Variants in SIPA1L2 observed in about 807,000 individuals in gnomAD.
SIPA1L2 encodes signal induced proliferation associated 1 like 2, also known as signal-induced proliferation-associated 1-like protein 2.
A neutral mutation model predicts 163.9 loss-of-function variants in SIPA1L2; 56 were observed. The observed-to-expected ratio is 0.34, with a 90% CI of 0.28 to 0.43. SIPA1L2 has a LOEUF of 0.43. SIPA1L2 is among the 20% of genes least tolerant of loss of function. The probability of loss-of-function intolerance (pLI) is 1.00; values close to 1 mark genes in which losing one functional copy is unlikely to be tolerated. For missense variants in SIPA1L2, 1,974 were observed against 2,193.5 expected (o/e 0.90, Z 2.00); for synonymous variants, 877 against 865.7 (o/e 1.01, Z -0.23).
intron 2 of SIPA1L2, among the ~76,000 whole-genome samples, chr1:232,538,870 C>A (rs2103102037): frequency 6.6e-6 from 1 of 152,326 alleles, no homozygotes; most frequent in Non-Finnish European, 1.5e-5. Flanking sequence ...AAAATTTGAC[C>A]TCAGCATCTA....
intron 19 of SIPA1L2, among the ~76,000 whole-genome samples, chr1:232,411,419 A>G (rs1293069853): frequency 6.6e-6 from 1 of 152,176 alleles, no homozygotes; most frequent in Non-Finnish European, 1.5e-5. Flanking sequence ...TGCACAGGTC[A>G]TTTTGGTCCC....
In SIPA1L2 at chr1:232,490,953, T is replaced by C. The variant is rs1456294681; in HGVS notation, c.1727A>G (p.Glu576Gly). 1 of 1,614,176 alleles carries C rather than the reference T, an allele frequency of 6.2e-7. No homozygotes were observed. The highest frequency in any genetic ancestry group is 1.1e-5 in the South Asian group (1 of 91,086). The change falls in exon 5 of 23, where the codon GAG becomes GGG. Residue 576 changes from glutamate (E) to glycine (G), a missense_variant. Transcript: ENST00000674635. ...LKEVLEYVIP[E>G]LSIQCLRQAS... is the part of the protein sequence containing the mutation. Reference sequence around the variant, plus strand: ...CTGTCGCAAACACTGAATGCTCAGCTCTGGAATGACGTATTCCAAAACTTC... The same window carrying C: ...CTGTCGCAAACACTGAATGCTCAGCCCTGGAATGACGTATTCCAAAACTTC...
intron 3 of SIPA1L2, among the ~76,000 whole-genome samples, chr1:232,499,223 G>A (rs888391954): frequency 2.0e-5 from 3 of 152,164 alleles, no homozygotes; most frequent in African/African-American, 7.2e-5. Flanking sequence ...AGCTAAAAAC[G>A]ATTACGCTTA....
chr1:232,441,290 C>T lies in SIPA1L2; in HGVS notation c.3642+1G>A, dbSNP rs1195045755. ...GAAGGGCTTATGAACAAAGGACTTA[C>T]GTGAGAAAGCTTATTGGGGGAATCT... On this transcript the variant is annotated splice_donor_variant, in intron 14 of 22. Coordinates refer to ENST00000674635, the MANE Select transcript of SIPA1L2 (RefSeq NM_020808.5). LOFTEE classifies it high-confidence loss of function. 1 of 1,593,038 alleles carries T rather than the reference C, an allele frequency of 6.3e-7. No homozygotes were observed. The highest frequency in any genetic ancestry group is 1.9e-5 in the Admixed American group (1 of 52,072).
intron 1 of SIPA1L2, among the ~76,000 whole-genome samples, chr1:232,588,207 A>C (rs1660772375): frequency 6.6e-6 from 1 of 152,214 alleles, no homozygotes; most frequent in South Asian, 2.1e-4. Flanking sequence ...CTATGAGGTG[A>C]TGAGCCACTT....
At chr1:232,575,049 C>T (rs191345946) in intron 1 of SIPA1L2, among the ~76,000 whole-genome samples, 1 of 152,308 alleles carries the variant, frequency 6.6e-6, no homozygotes, top group Admixed American at 6.5e-5. Context: ...TTCAACACAT[C>T]ATTTTTTAAA....
chr1:232,439,215 G>T lies in SIPA1L2; in HGVS notation c.3924C>A (p.Asp1308Glu). 6.2e-7 allele frequency: 1 copy of T among 1,613,832 alleles called. No homozygotes were observed. Among genetic ancestry groups the T allele is most frequent in the Non-Finnish European group, 8.5e-7 (1 of 1,180,040 alleles). Residue 1308 changes from aspartate (D) to glutamate (E), a missense_variant, in exon 15 of 23, where the codon GAC becomes GAA. This residue lies in a region of SIPA1L2 where 1,079 missense variants were observed against 1,150.7 expected (regional missense o/e 0.94). Coordinates refer to ENST00000674635, the MANE Select transcript of SIPA1L2 (RefSeq NM_020808.5). ...ADAADVSGPD[D>E]EPAKLYSVHG... ...GCACAGAATATAACTTGGCTGGCTC[G>T]TCGTCAGGCCCAGAGACGTCGGCAG...
At chr1:232,622,658 G>A (rs996029251) in intron 1 of SIPA1L2, among the ~76,000 whole-genome samples, 5 of 152,220 alleles carry the variant, frequency 3.3e-5, no homozygotes, top group African/African-American at 9.6e-5. Flanking sequence ...ACACCCCTCT[G>A]AATGGGGCTA....
At chr1:232,545,244 C>T (rs1171584864) in intron 2 of SIPA1L2, among the ~76,000 whole-genome samples, 1 of 152,204 alleles carries the variant, frequency 6.6e-6, no homozygotes, top group East Asian at 1.9e-4. Flanking sequence ...AAAAGCACAG[C>T]CTTCACATGG....
chr1:232,445,498 GC>G, intron 11 of SIPA1L2, 30 bp downstream of exon 11: 8 of 1,612,282 alleles, frequency 5.0e-6, no homozygotes, highest in Non-Finnish European at 6.8e-6. Flanking sequence ...ATTTACAAGG[GC>G]CCCCCTTGAG....
chr1:232,593,220 C>T (rs1661055236), intron 1 of SIPA1L2, among the ~76,000 whole-genome samples: 1 of 152,144 alleles, frequency 6.6e-6, no homozygotes, highest in African/African-American at 2.4e-5. Context: ...AAATATTCAA[C>T]TCTCTCATAG....
intron 19 of SIPA1L2, among the ~76,000 whole-genome samples, chr1:232,412,438 A>T (rs1661011786): frequency 1.3e-5 from 2 of 152,258 alleles, no homozygotes; most frequent in Admixed American, 1.3e-4. Flanking sequence ...CAGCAATAAC[A>T]TAAACAAGTA....
At chr1:232,511,673 C>T (rs1666987586) in intron 3 of SIPA1L2, among the ~76,000 whole-genome samples, 1 of 152,124 alleles carries the variant, frequency 6.6e-6, no homozygotes, top group East Asian at 1.9e-4. Flanking sequence ...CCACCCTCCC[C>T]AACCCACTCC....
chr1:232,428,808 G>GCCC (rs1662053195), intron 16 of SIPA1L2, among the ~76,000 whole-genome samples: 1 of 152,078 alleles, frequency 6.6e-6, no homozygotes, highest in South Asian at 2.1e-4. Context: ...CCAAAGCCCA[G>GCCC]GATGAAAAAA....
At chr1:232,547,865 T>A (rs893090479) in intron 2 of SIPA1L2, among the ~76,000 whole-genome samples, 1 of 152,068 alleles carries the variant, frequency 6.6e-6, no homozygotes, top group Non-Finnish European at 1.5e-5. Context: ...CTGGTAAAGA[T>A]CCCTAACCTG....
At chr1:232,545,416 G>A (rs754468137) in intron 2 of SIPA1L2, among the ~76,000 whole-genome samples, 3 of 152,192 alleles carry the variant, frequency 2.0e-5, no homozygotes, top group Non-Finnish European at 2.9e-5. Context: ...TGCTCTAGAA[G>A]AACCATGGTT....
At chr1:232,627,399 G>A (rs1663134130) in intron 1 of SIPA1L2, among the ~76,000 whole-genome samples, 2 of 152,110 alleles carry the variant, frequency 1.3e-5, no homozygotes, top group Admixed American at 1.3e-4. Flanking sequence ...GAAATAGACT[G>A]CTAATTTCAA....
chr1:232,611,313 C>A (rs1299764688), intron 1 of SIPA1L2, among the ~76,000 whole-genome samples: 1 of 152,066 alleles, frequency 6.6e-6, no homozygotes, highest in Non-Finnish European at 1.5e-5. Flanking sequence ...TAGAGTGGGG[C>A]GTTGCTGAAA....
At chr1:232,539,514 A>T (rs1374069337) in intron 2 of SIPA1L2, among the ~76,000 whole-genome samples, 1 of 152,006 alleles carries the variant, frequency 6.6e-6, no homozygotes, top group African/African-American at 2.4e-5. Flanking sequence ...TCAATTCTGC[A>T]CTCCCCCGAG....
Sources: gnomAD v4.1 joint callset for allele counts (sites outside exome capture counted in the v4.1 genomes callset) on GRCh38, gnomAD v4.1.1 for gene constraint, gnomAD v4.1.1 regional missense constraint, MANE v1.5 for transcripts, NCBI Gene and HGNC (gene_info 2026-07-23, HGNC 2026-07-21) for gene names.